The following NAALADL2 variants were observed in gnomAD, a reference collection of about 807,000 sequenced individuals.
NAALADL2 encodes inactive N-acetylated-alpha-linked acidic dipeptidase-like protein 2.
A neutral mutation model predicts 87.2 loss-of-function variants in NAALADL2; 76 were observed. The ratio of observed to expected loss-of-function variants is 0.87; its 90% CI spans 0.72 to 1.05. The LOEUF is 1.05. Ranked by LOEUF, NAALADL2 falls within the 50% of genes least tolerant of loss-of-function variation. The pLI is 0.00. For synonymous variants in NAALADL2, 354 were observed against 331.0 expected (o/e 1.07, Z -0.75); for missense variants, 1,089 against 945.8 (o/e 1.15, Z -1.99).
chr3:175,448,598 C>G (rs952195592), intron 6 of NAALADL2, among the ~76,000 whole-genome samples: 3 of 152,180 alleles, frequency 2.0e-5, no homozygotes, highest in Admixed American at 2.0e-4. Flanking sequence ...CTGGAAGCCT[C>G]TATGTCTGCA....
intron 13 of NAALADL2, among the ~76,000 whole-genome samples, chr3:175,756,437 C>G (rs574131734): frequency 6.6e-6 from 1 of 152,058 alleles, no homozygotes; most frequent in African/African-American, 2.4e-5. Flanking sequence ...TGTCTATCAA[C>G]GTGTGATTGG....
At chr3:175,394,338 A>G (rs1281508419) in intron 5 of NAALADL2, among the ~76,000 whole-genome samples, 1 of 152,234 alleles carries the variant, frequency 6.6e-6, no homozygotes, top group Non-Finnish European at 1.5e-5. Flanking sequence ...AATGCATTGT[A>G]TATTTTAAAA....
intron 3 of NAALADL2, among the ~76,000 whole-genome samples, chr3:174,848,145 G>T (rs1361124090): frequency 6.6e-6 from 1 of 151,858 alleles, no homozygotes; most frequent in African/African-American, 2.4e-5. Context: ...CCAAAGTTGT[G>T]TAATTCAATG....
intron 4 of NAALADL2, among the ~76,000 whole-genome samples, chr3:175,314,077 A>AAG (rs1758728022): frequency 6.6e-6 from 1 of 151,006 alleles, no homozygotes; most frequent in Non-Finnish European, 1.5e-5. Context: ...CATCTCAAAA[A>AAG]AAAAAAAAAA....
chr3:174,529,994 C>T (rs531065128), intron 1 of NAALADL2, among the ~76,000 whole-genome samples: 33 of 152,294 alleles, frequency 2.2e-4, no homozygotes, highest in African/African-American at 7.7e-4. Context: ...CATTACTTAA[C>T]ACAAATTTCT....
At chr3:175,728,055 C>T (rs1020713479) in intron 11 of NAALADL2, among the ~76,000 whole-genome samples, 4 of 152,238 alleles carry the variant, frequency 2.6e-5, no homozygotes, top group South Asian at 2.1e-4. Context: ...TACTAAGACA[C>T]TTTTACTTTC....
chr3:175,140,651 G>A (rs536667005), intron 2 of NAALADL2, among the ~76,000 whole-genome samples: 95 of 152,238 alleles, frequency 6.2e-4, no homozygotes, highest in African/African-American at 2.1e-3. Context: ...AAAACATTAC[G>A]TTTGGCTGGA....
chr3:174,525,337 G>C (rs184094979), intron 1 of NAALADL2, among the ~76,000 whole-genome samples: 427 of 152,304 alleles, frequency 2.8e-3, no homozygotes, highest in African/African-American at 9.7e-3. Flanking sequence ...CAGGCTGTAC[G>C]GGAAGCATGA....
chr3:174,701,911 G>A (rs554335377), intron 2 of NAALADL2, among the ~76,000 whole-genome samples: 1 of 152,248 alleles, frequency 6.6e-6, no homozygotes, highest in Admixed American at 6.5e-5. Context: ...TTGCGTACAA[G>A]TCTTTGTATA....
chr3:175,669,022 A>T (rs1366073323), intron 11 of NAALADL2, among the ~76,000 whole-genome samples: 1 of 152,080 alleles, frequency 6.6e-6, no homozygotes, highest in African/African-American at 2.4e-5. Flanking sequence ...TAAAAGTTAT[A>T]CTTTAGGATA....
rs113543395 is a variant in NAALADL2 at position 174,697,399 on chromosome 3, T to G, written c.-114-40242T>G. On this transcript the variant is annotated intron_variant, in intron 2 of 3. Coordinates refer to the NAALADL2 transcript ENST00000434257. ...AAGTAAATTTTTATGATTGCAGAAG[T>G]GTAATATCCCTTAGAAGACCTAATG... 2.2e-3 allele frequency among the ~76,000 whole-genome samples: 334 copies of G among 152,296 alleles called. 4 individuals carry two copies. Among genetic ancestry groups the G allele is most frequent in the African/African-American group, 7.7e-3 (319 of 41,560 alleles).
chr3:174,533,741 T>C (rs1189378154), intron 1 of NAALADL2, among the ~76,000 whole-genome samples: 1 of 152,102 alleles, frequency 6.6e-6, no homozygotes, highest in Non-Finnish European at 1.5e-5. Flanking sequence ...ATTAATCTCA[T>C]TCCAACTGTG....
chr3:175,190,377 T>TA (rs562300279), intron 2 of NAALADL2, among the ~76,000 whole-genome samples: 3 of 151,106 alleles, frequency 2.0e-5, no homozygotes, highest in African/African-American at 7.3e-5. Context: ...AATAACCCAA[T>TA]AAAAAAATGG....
chr3:175,598,059 T>G (rs1007976914), intron 10 of NAALADL2, among the ~76,000 whole-genome samples: 3 of 152,050 alleles, frequency 2.0e-5, no homozygotes, highest in African/African-American at 7.2e-5. Context: ...CAAATATTAT[T>G]CTATGTAATG....
chr3:175,229,275 C>A (rs1175633127), intron 2 of NAALADL2, among the ~76,000 whole-genome samples: 2 of 151,602 alleles, frequency 1.3e-5, no homozygotes, highest in African/African-American at 4.8e-5. Context: ...AATTATTTTG[C>A]ATGTGATATA....
At chr3:175,257,349 A>G (rs1355669207) in intron 4 of NAALADL2, 6 of 150,572 alleles carry the variant, frequency 4.0e-5, no homozygotes, top group African/African-American at 1.5e-4. Flanking sequence ...TCTATTAGGA[A>G]ACTAGAGAAC....
At chr3:174,927,733 C>A (rs1193838345) in intron 1 of NAALADL2, among the ~76,000 whole-genome samples, 1 of 152,152 alleles carries the variant, frequency 6.6e-6, no homozygotes, top group Non-Finnish European at 1.5e-5. Context: ...ATTTATAGCA[C>A]TAAATGGCCA....
At chr3:175,039,183 T>C (rs577044636) in intron 1 of NAALADL2, among the ~76,000 whole-genome samples, 2 of 152,336 alleles carry the variant, frequency 1.3e-5, no homozygotes, top group African/African-American at 4.8e-5. Context: ...TTTTTGTTTC[T>C]GAGATGGAGT....
intron 4 of NAALADL2, among the ~76,000 whole-genome samples, chr3:175,308,558 G>C (rs1757981089): frequency 6.6e-6 from 1 of 152,158 alleles, no homozygotes; most frequent in Non-Finnish European, 1.5e-5. Context: ...GTTTAACAGT[G>C]AATGTCTTGT....
Sources: gnomAD v4.1 joint callset for allele counts (sites outside exome capture counted in the v4.1 genomes callset) on GRCh38, gnomAD v4.1.1 for gene constraint, MANE v1.5 for transcripts, NCBI Gene and HGNC (gene_info 2026-07-23, HGNC 2026-07-21) for gene names.